GARIN5A: variants seen among roughly 807,000 people sequenced by gnomAD.
GARIN5A encodes Golgi-associated RAB2 interactor protein 5A.
At chr19:50,467,004 T>C in the GARIN5A span, 1 of 150,768 alleles carries the variant, frequency 6.6e-6, no homozygotes, top group East Asian at 2.0e-4. Flanking sequence ...AGTTAGGGAG[T>C]GAGGGGGCGG....
chr19:50,476,267 C>A, the GARIN5A span: 18 of 1,609,016 alleles, frequency 1.1e-5, no homozygotes, highest in Non-Finnish European at 1.4e-5. Context: ...CGGGACTACG[C>A]GCACTGTGAC....
the GARIN5A span, among the ~76,000 whole-genome samples, chr19:50,472,142 G>GTGTGCATATGTATA: frequency 9.1e-6 from 1 of 109,368 alleles, no homozygotes; most frequent in East Asian, 2.5e-4. Flanking sequence ...GTATATGTAT[G>GTGTGCATATGTATA]TATACGTGTG....
At chr19:50,475,453 C>A in the GARIN5A span, 7 of 1,602,794 alleles carry the variant, frequency 4.4e-6, no homozygotes, top group South Asian at 5.6e-5. Context: ...CCAACCGAGT[C>A]ACCTGGGGCC....
the GARIN5A span, chr19:50,467,788 T>G: frequency 6.2e-7 from 1 of 1,613,026 alleles, no homozygotes; most frequent in Admixed American, 1.7e-5. Context: ...ACACCGGCTT[T>G]TGTCGTGGAC....
chr19:50,472,779 C>T, the GARIN5A span, among the ~76,000 whole-genome samples: 1 of 151,836 alleles, frequency 6.6e-6, no homozygotes, highest in Admixed American at 6.6e-5. Flanking sequence ...ACCTGTAGTC[C>T]CAGCTACTCA....
the GARIN5A span, among the ~76,000 whole-genome samples, chr19:50,470,194 A>C: frequency 3.9e-5 from 6 of 152,234 alleles, no homozygotes; most frequent in Non-Finnish European, 5.9e-5. Flanking sequence ...CTAAGACAGC[A>C]GAGCACGTGC....
chr19:50,468,505 TA>T, the GARIN5A span, among the ~76,000 whole-genome samples: 12 of 152,046 alleles, frequency 7.9e-5, no homozygotes, highest in Non-Finnish European at 5.9e-5. Flanking sequence ...CTGTCTTAGC[TA>T]CATCCCCCTC....
chr19:50,475,318 C>T, the GARIN5A span: 8 of 1,577,932 alleles, frequency 5.1e-6, no homozygotes, highest in Non-Finnish European at 5.2e-6. Flanking sequence ...GAGGTGGGGG[C>T]AGTTACCCGA....
the GARIN5A span, among the ~76,000 whole-genome samples, chr19:50,469,214 T>C: frequency 6.6e-6 from 1 of 152,128 alleles, no homozygotes; most frequent in East Asian, 1.9e-4. Context: ...CACACCAGGC[T>C]CAGTCCGACC....
At chr19:50,471,669 TACGC>T in the GARIN5A span, among the ~76,000 whole-genome samples, 1 of 151,342 alleles carries the variant, frequency 6.6e-6, no homozygotes, top group Non-Finnish European at 1.5e-5. Context: ...CGTGTGTGTA[TACGC>T]ATACATGCAC....
chr19:50,470,084 A>G, the GARIN5A span, among the ~76,000 whole-genome samples: 1 of 152,210 alleles, frequency 6.6e-6, no homozygotes, highest in African/African-American at 2.4e-5. Flanking sequence ...CCAGTGATGA[A>G]GTAACGCCAG....
At chr19:50,472,142 G>GTGTGTATATGTGTA in the GARIN5A span, among the ~76,000 whole-genome samples, 2 of 109,328 alleles carry the variant, frequency 1.8e-5, no homozygotes, top group Non-Finnish European at 3.7e-5. Flanking sequence ...GTATATGTAT[G>GTGTGTATATGTGTA]TATACGTGTG....
the GARIN5A span, chr19:50,475,405 G>A: frequency 6.2e-7 from 1 of 1,611,022 alleles, no homozygotes; most frequent in South Asian, 1.1e-5. Context: ...CTGGACTGGA[G>A]GCTGCCACCC....
chr19:50,472,153 T>TATATGTATATATACGTGTGC, the GARIN5A span, among the ~76,000 whole-genome samples: 2 of 151,424 alleles, frequency 1.3e-5, no homozygotes, highest in Admixed American at 6.6e-5. Flanking sequence ...TATACGTGTG[T>TATATGTATATATACGTGTGC]ATATGTATGT....
chr19:50,476,503 C>G, the GARIN5A span: 2 of 1,572,200 alleles, frequency 1.3e-6, no homozygotes, highest in Non-Finnish European at 1.7e-6. Flanking sequence ...CTCCGCGGCT[C>G]TTGGCTCACA....
chr19:50,476,184 C>G, the GARIN5A span: 2 of 1,613,704 alleles, frequency 1.2e-6, no homozygotes, highest in African/African-American at 1.3e-5. Context: ...GGCTTAGGGC[C>G]GCGATCCCGC....
chr19:50,473,952 A>G, the GARIN5A span, among the ~76,000 whole-genome samples: 5 of 151,864 alleles, frequency 3.3e-5, no homozygotes, highest in African/African-American at 1.2e-4. Flanking sequence ...GTGCCACTGC[A>G]CTCCAGCCTG....
chr19:50,475,737 G>A, the GARIN5A span: 3 of 901,664 alleles, frequency 3.3e-6, no homozygotes, highest in African/African-American at 1.6e-5. Flanking sequence ...GGAATCCCAC[G>A]AGATGGACGT....
At chr19:50,472,649 C>G in the GARIN5A span, among the ~76,000 whole-genome samples, 1 of 152,078 alleles carries the variant, frequency 6.6e-6, no homozygotes, top group Non-Finnish European at 1.5e-5. Flanking sequence ...AGTCCCAGCA[C>G]TTTGGGAGGT....
Sources: allele counts gnomAD v4.1 joint callset (sites outside exome capture counted in the v4.1 genomes callset), GRCh38; gene constraint gnomAD v4.1.1; transcripts MANE v1.5; gene names NCBI Gene and HGNC (gene_info 2026-07-23, HGNC 2026-07-21).